Variants in FANCA observed in about 807,000 individuals in gnomAD.
FANCA encodes the protein FA complementation group A, also known as Fanconi anemia group A protein.
FANCA carries 236 observed loss-of-function variants against 194.3 expected under a neutral mutation model. That is an observed-to-expected ratio of 1.21 (90% CI 1.09 to 1.35). The LOEUF (loss-of-function observed/expected upper bound fraction) is 1.35, where lower values mean the gene tolerates loss of function less well. Among genes scored for constraint, FANCA ranks in the 40% most tolerant of loss-of-function variants. FANCA has a pLI of 0.00. For synonymous variants in FANCA, 1,014 were observed against 715.8 expected (o/e 1.42, Z -6.65); for missense variants, 2,628 against 1,813.9 (o/e 1.45, Z -8.15).
intron 28 of FANCA, 68 bp from the exon 29 acceptor site, chr16:89,762,090 A>G: frequency 7.8e-7 from 1 of 1,286,148 alleles, no homozygotes; most frequent in Non-Finnish European, 1.1e-6. Context: ...AGGTTTATAA[A>G]CCAGTTTGTC....
intron 27 of FANCA, among the ~76,000 whole-genome samples, chr16:89,765,501 T>C (rs2039096584): frequency 6.6e-6 from 1 of 152,280 alleles, no homozygotes; most frequent in Non-Finnish European, 1.5e-5. Flanking sequence ...GACTGCTTCC[T>C]TGAGCTAAAT....
intron 30 of FANCA, among the ~76,000 whole-genome samples, chr16:89,754,694 C>G (rs952790910): frequency 3.9e-5 from 6 of 151,994 alleles, no homozygotes; most frequent in African/African-American, 1.5e-4. Flanking sequence ...TATACAAAGC[C>G]CTAAGGAATC....
chr16:89,739,025 G>GCA (rs1567592361), intron 41 of FANCA, 51 bp from the exon 42 acceptor site: 1 of 1,614,118 alleles, frequency 6.2e-7, no homozygotes, highest in Admixed American at 1.7e-5. Flanking sequence ...CAGAAACAGG[G>GCA]CTGGTGTGTC....
At chr16:89,782,229 T>A (rs1407314013) in intron 17 of FANCA, among the ~76,000 whole-genome samples, 1 of 148,996 alleles carries the variant, frequency 6.7e-6, no homozygotes, top group Non-Finnish European at 1.5e-5. Flanking sequence ...ATTAAAAAAT[T>A]AGCCAGGCGT....
At position 89,799,381 on chromosome 16, in the gene FANCA, A is replaced by G. The variant is rs560981304; in HGVS notation, c.827-149T>C. ...AGACTTCTACAATCTGTAGGCCTTAATCAAAACACACAGACAAGAAAATGC... is the reference window on the plus strand; with the variant it reads ...AGACTTCTACAATCTGTAGGCCTTAGTCAAAACACACAGACAAGAAAATGC... On this transcript the variant is annotated intron_variant, in intron 9 of 42. Coordinates refer to ENST00000389301, the MANE Select transcript of FANCA (RefSeq NM_000135.4). The G allele has an allele frequency of 2.4e-5, 24 of 1,010,600 alleles. No homozygotes were observed. In the African/African-American group the frequency reaches 3.7e-4, roughly 15 times the overall value. The allele number at this position is 1,010,600 out of a possible 1,614,324, so 62.6% of individuals were successfully genotyped here.
chr16:89,769,816 G>A lies in FANCA; in HGVS notation c.2504+21C>T, dbSNP rs554492836. 5.1e-5 allele frequency: 83 copies of A among 1,613,432 alleles called. 1 individual carries two copies. In the South Asian group the frequency reaches 8.7e-4, roughly 17 times the overall value. On this transcript the variant is annotated intron_variant, in intron 26 of 42. Coordinates refer to ENST00000389301, the MANE Select transcript of FANCA (RefSeq NM_000135.4). ...TTTCGAGAGAGAGGAGAGAAGACGC[G>A]ACTGTGGAAGAAGAGCTCACTTCAG... is the stretch of plus-strand genomic sequence containing the variant.
At chr16:89,759,815 T>C (rs17226939) in intron 29 of FANCA, among the ~76,000 whole-genome samples, 41 of 152,330 alleles carry the variant, frequency 2.7e-4, no homozygotes, top group African/African-American at 7.0e-4. Context: ...AATCCATTTA[T>C]GCAGAAAGAG....
chr16:89,738,015 C>T lies in FANCA; in HGVS notation c.*586G>A. On this transcript the variant is annotated 3_prime_UTR_variant, in exon 43 of 43. Transcript: ENST00000389301. ...GGTTCCAGTGCAGGCAGCGGGCATC[C>T]CTCAAGTACCACATGACCAAACACA... 2 of 1,614,168 alleles carry T rather than the reference C, an allele frequency of 1.2e-6. No individual in the cohort carries two copies. Among genetic ancestry groups the T allele is most frequent in the Non-Finnish European group, 1.7e-6 (2 of 1,180,044 alleles).
intron 29 of FANCA, among the ~76,000 whole-genome samples, chr16:89,761,396 G>A (rs1027644501): frequency 1.4e-5 from 2 of 144,966 alleles, no homozygotes; most frequent in African/African-American, 2.6e-5. Context: ...TCCAGCCTGG[G>A]TGACAGAGCA....
At chr16:89,768,840 C>T (rs370948131) in intron 26 of FANCA, among the ~76,000 whole-genome samples, 1 of 152,182 alleles carries the variant, frequency 6.6e-6, no homozygotes, top group Admixed American at 6.5e-5. Context: ...CTGTCTCCCC[C>T]AAGCCACCTG....
At chr16:89,796,963 C>T (rs930897457) in intron 10 of FANCA, among the ~76,000 whole-genome samples, 1 of 151,946 alleles carries the variant, frequency 6.6e-6, no homozygotes, top group Non-Finnish European at 1.5e-5. Context: ...TCGAGACCAT[C>T]CCGGCCAACC....
At chr16:89,812,167 C>G (rs1228979614) in intron 3 of FANCA, among the ~76,000 whole-genome samples, 2 of 150,902 alleles carry the variant, frequency 1.3e-5, no homozygotes, top group Non-Finnish European at 3.0e-5. Context: ...AACCCTGTCT[C>G]TACTAAAGAC....
intron 14 of FANCA, among the ~76,000 whole-genome samples, chr16:89,788,975 T>A (rs1159053961): frequency 6.6e-6 from 1 of 152,002 alleles, no homozygotes; most frequent in Non-Finnish European, 1.5e-5. Flanking sequence ...CTCTCCCAAC[T>A]GTCGCCTCTG....
rs1434039493 is a variant in FANCA at position 89,815,252 on chromosome 16, G to A, written c.189+625C>T. Among the ~76,000 whole-genome samples the A allele has an allele frequency of 6.6e-5, 10 of 150,944 alleles. No homozygotes were observed. In the East Asian group the frequency reaches 1.9e-3, roughly 29 times the overall value. The stretch of plus-strand genomic sequence containing the variant: ...GGGTTTCACCATGTTGGTCAGGCTG[G>A]TCTCGAACTCCTAACCTCAAGTGAT... On this transcript the variant is annotated intron_variant, in intron 2 of 42. Coordinates refer to ENST00000389301, the MANE Select transcript of FANCA (RefSeq NM_000135.4).
intron 28 of FANCA, among the ~76,000 whole-genome samples, chr16:89,764,213 C>T (rs113008826): frequency 6.6e-6 from 1 of 152,080 alleles, no homozygotes; most frequent in Non-Finnish European, 1.5e-5. Flanking sequence ...CTGAGCACAG[C>T]GAGACGTTGT....
At position 89,752,240 on chromosome 16, in the gene FANCA, T is replaced by C. The variant is rs2038620963; in HGVS notation, c.2982-18A>G. 1 of 1,604,534 alleles carries C rather than the reference T, an allele frequency of 6.2e-7. No individual in the cohort carries two copies. The highest frequency in any genetic ancestry group is 8.5e-7 in the Non-Finnish European group (1 of 1,171,660). On this transcript the variant is annotated intron_variant, in intron 30 of 42. Coordinates refer to ENST00000389301, the MANE Select transcript of FANCA (RefSeq NM_000135.4). ...TCCTTGAGCTGAAATGAAAATACAATAAAATCCTCCTCAGTATCGCCTAAT... is the reference window on the plus strand; with the variant it reads ...TCCTTGAGCTGAAATGAAAATACAACAAAATCCTCCTCAGTATCGCCTAAT...
chr16:89,787,843 C>T (rs189017047), intron 14 of FANCA, among the ~76,000 whole-genome samples: 176 of 151,900 alleles, frequency 1.2e-3, no homozygotes, highest in Non-Finnish European at 1.8e-3. Context: ...ATCATTTGGT[C>T]TACTTATATT....
At chr16:89,802,127 C>T (rs11644521) in intron 8 of FANCA, among the ~76,000 whole-genome samples, 2,393 of 152,234 alleles carry the variant, frequency 0.016, 43 homozygotes, top group Non-Finnish European at 0.02. Context: ...TCAGCTTTAA[C>T]GGAGTCTCGC....
intron 29 of FANCA, among the ~76,000 whole-genome samples, chr16:89,759,411 T>C (rs2038874436): frequency 7.1e-6 from 1 of 141,160 alleles, no homozygotes; most frequent in Non-Finnish European, 1.5e-5. Context: ...AAGGGGATGG[T>C]GAAGCAACCT....
Sources: gnomAD v4.1 joint callset for allele counts (sites outside exome capture counted in the v4.1 genomes callset) on GRCh38, gnomAD v4.1.1 for gene constraint, MANE v1.5 for transcripts, NCBI Gene and HGNC (gene_info 2026-07-23, HGNC 2026-07-21) for gene names.